The following SORCS1 variants were observed in gnomAD, a reference collection of about 807,000 sequenced individuals.
SORCS1 encodes VPS10 domain-containing receptor SorCS1.
SORCS1 carries 60 observed loss-of-function variants against 146.1 expected under a neutral mutation model. That is an observed-to-expected ratio of 0.41 (90% confidence interval 0.33 to 0.51). The LOEUF (loss-of-function observed/expected upper bound fraction) is 0.51, where lower values mean the gene tolerates loss of function less well. SORCS1 is among the 20% of genes least tolerant of loss of function. The pLI, the probability that SORCS1 is intolerant of heterozygous loss-of-function variation, is 0.21. For synonymous variants in SORCS1, 637 were observed against 584.0 expected (o/e 1.09, Z -1.31); for missense variants, 1,352 against 1,487.6 (o/e 0.91, Z 1.50).
At chr10:106,868,648 G>A (rs1424626637) in intron 2 of SORCS1, among the ~76,000 whole-genome samples, 1 of 152,174 alleles carries the variant, frequency 6.6e-6, no homozygotes, top group Non-Finnish European at 1.5e-5. Context: ...AAACTAATGA[G>A]AACAAAGATA....
At chr10:106,840,843 A>T (rs12775106) in intron 2 of SORCS1, among the ~76,000 whole-genome samples, 55,416 of 133,926 alleles carry the variant, frequency 0.41, 11,047 homozygotes, top group East Asian at 0.49. Flanking sequence ...TAGTTATATT[A>T]TATATATATA....
chr10:107,047,687 C>T (rs191276687), intron 1 of SORCS1, among the ~76,000 whole-genome samples: 2 of 152,124 alleles, frequency 1.3e-5, no homozygotes, highest in Non-Finnish European at 2.9e-5. Flanking sequence ...CATTTGTCAC[C>T]GCAGTGCGTT....
At chr10:106,958,432 C>T (rs1955068157) in intron 1 of SORCS1, among the ~76,000 whole-genome samples, 1 of 152,174 alleles carries the variant, frequency 6.6e-6, no homozygotes, top group African/African-American at 2.4e-5. Flanking sequence ...ATGCTGAGTC[C>T]AAGTTCCACT....
Position 106,580,200 on chromosome 10 carries a change from G to A in SORCS1, c.3266-726C>T, listed in dbSNP as rs17120976. 3.8e-3 allele frequency among the ~76,000 whole-genome samples: 577 copies of A among 152,208 alleles called. 4 individuals carry two copies. The highest frequency in any genetic ancestry group is 0.013 in the African/African-American group (559 of 41,522). ...GATGGCCAAGTGAGTATTTCACGAGGGTAGCCGCGGAGATGCTGAAGGAGG... is the reference window on the plus strand; with the variant it reads ...GATGGCCAAGTGAGTATTTCACGAGAGTAGCCGCGGAGATGCTGAAGGAGG... On this transcript the variant is annotated intron_variant, in intron 24 of 25. Transcript: ENST00000263054.
At chr10:106,889,425 A>G (rs1027746778) in intron 2 of SORCS1, among the ~76,000 whole-genome samples, 2 of 152,092 alleles carry the variant, frequency 1.3e-5, no homozygotes, top group Non-Finnish European at 2.9e-5. Context: ...CACCATCCAT[A>G]ACAAAAGAGA....
intron 1 of SORCS1, among the ~76,000 whole-genome samples, chr10:107,145,801 G>C (rs1968277007): frequency 6.6e-6 from 1 of 152,104 alleles, no homozygotes; most frequent in African/African-American, 2.4e-5. Context: ...GGAGAAAAGA[G>C]GACAACTTTT....
intron 20 of SORCS1, among the ~76,000 whole-genome samples, chr10:106,619,225 T>C (rs955841638): frequency 2.6e-5 from 4 of 152,188 alleles, no homozygotes; most frequent in African/African-American, 7.2e-5. Context: ...GGAAATGACA[T>C]AGATTCCTGC....
At chr10:107,046,549 A>C (rs1276198026) in intron 1 of SORCS1, among the ~76,000 whole-genome samples, 1 of 152,154 alleles carries the variant, frequency 6.6e-6, no homozygotes, top group African/African-American at 2.4e-5. Flanking sequence ...ATCAACATAC[A>C]ACCCAGAAAG....
At chr10:107,001,254 G>C (rs1386326691) in intron 1 of SORCS1, among the ~76,000 whole-genome samples, 2 of 152,178 alleles carry the variant, frequency 1.3e-5, no homozygotes, top group Non-Finnish European at 2.9e-5. Flanking sequence ...TGTTGGGCTG[G>C]TGCCAGATGT....
At chr10:106,735,715 C>T (rs1856900944) in intron 5 of SORCS1, among the ~76,000 whole-genome samples, 1 of 152,162 alleles carries the variant, frequency 6.6e-6, no homozygotes, top group African/African-American at 2.4e-5. Flanking sequence ...ACTGAAAAGA[C>T]ACCAGGGGCC....
At chr10:106,881,916 T>C (rs1264372535) in intron 2 of SORCS1, among the ~76,000 whole-genome samples, 2 of 152,226 alleles carry the variant, frequency 1.3e-5, no homozygotes, top group Non-Finnish European at 2.9e-5. Flanking sequence ...CAGAAATGAA[T>C]AGAAGTTGGT....
chr10:107,044,023 C>T (rs1218947711), intron 1 of SORCS1, among the ~76,000 whole-genome samples: 2 of 152,180 alleles, frequency 1.3e-5, no homozygotes, highest in Non-Finnish European at 2.9e-5. Flanking sequence ...TTCTTGTTCA[C>T]ACGAACAACA....
At chr10:106,940,496 A>C (rs1953983851) in intron 2 of SORCS1, among the ~76,000 whole-genome samples, 1 of 152,224 alleles carries the variant, frequency 6.6e-6, no homozygotes, top group Non-Finnish European at 1.5e-5. Flanking sequence ...AAACCAATAC[A>C]TTCAAAAGGA....
intron 17 of SORCS1, among the ~76,000 whole-genome samples, chr10:106,654,882 G>T (rs1295242629): frequency 6.6e-6 from 1 of 151,460 alleles, no homozygotes; most frequent in Non-Finnish European, 1.5e-5. Context: ...AGACAGTCTC[G>T]CTCTGTTGCC....
At chr10:106,901,810 G>A (rs1219908818) in intron 2 of SORCS1, among the ~76,000 whole-genome samples, 3 of 152,112 alleles carry the variant, frequency 2.0e-5, no homozygotes, top group Non-Finnish European at 2.9e-5. Flanking sequence ...TTGGGAGGCC[G>A]AGGTGGGTGG....
At chr10:106,970,188 T>G (rs1589819188) in intron 1 of SORCS1, 1 of 152,298 alleles carries the variant, frequency 6.6e-6, no homozygotes, top group South Asian at 2.1e-4. Context: ...CCGATTACAA[T>G]ACCATTCAAT....
At chr10:106,899,591 C>CTTTTTT (rs35476429) in intron 2 of SORCS1, among the ~76,000 whole-genome samples, 14 of 97,520 alleles carry the variant, frequency 1.4e-4, no homozygotes, top group East Asian at 3.2e-4. Flanking sequence ...GCCACCAGGG[C>CTTTTTT]TTTTTTTTTT....
chr10:107,032,851 A>C (rs1213819114), intron 1 of SORCS1, among the ~76,000 whole-genome samples: 1 of 152,138 alleles, frequency 6.6e-6, no homozygotes, highest in Admixed American at 6.6e-5. Flanking sequence ...CCTCACACTT[A>C]CTGCTGCAGT....
intron 5 of SORCS1, among the ~76,000 whole-genome samples, chr10:106,757,522 T>C (rs531911167): frequency 6.6e-6 from 1 of 152,310 alleles, no homozygotes; most frequent in East Asian, 1.9e-4. Flanking sequence ...CAGCTTAAGG[T>C]AGTTGCTCAG....
Sources: allele counts gnomAD v4.1 joint callset (sites outside exome capture counted in the v4.1 genomes callset), GRCh38; gene constraint gnomAD v4.1.1; transcripts MANE v1.5; gene names NCBI Gene and HGNC (gene_info 2026-07-23, HGNC 2026-07-21).